The following GRWD1 variants were observed in gnomAD, a reference collection of about 807,000 sequenced individuals.
GRWD1 encodes glutamate rich WD repeat containing 1, also known as glutamate-rich WD repeat-containing protein 1.
GRWD1 carries 29 observed loss-of-function variants against 45.3 expected under a neutral mutation model. The ratio of observed to expected loss-of-function variants is 0.64; its 90% CI spans 0.48 to 0.87. The LOEUF (loss-of-function observed/expected upper bound fraction) is 0.87. GRWD1 is among the 40% of genes least tolerant of loss of function. GRWD1 has a pLI of 0.00. For synonymous variants in GRWD1, 262 were observed against 257.6 expected, an observed-to-expected ratio of 1.02 and a Z score of -0.16; for missense variants, 592 against 618.8, an observed-to-expected ratio of 0.96 and a Z score of 0.46.
At chr19:48,448,061 C>T (rs1407901987) in intron 3 of GRWD1, among the ~76,000 whole-genome samples, 1 of 152,146 alleles carries the variant, frequency 6.6e-6, no homozygotes, top group East Asian at 1.9e-4. Context: ...AAGTGATTCT[C>T]CTGCCTCAGC....
At position 48,452,606 on chromosome 19, in the gene GRWD1, G is replaced by A. The variant is rs535469994; in HGVS notation, c.1024-102G>A. The A allele has an allele frequency of 3.1e-5, 32 of 1,018,328 alleles. No individual in the cohort carries two copies. In the African/African-American group the frequency reaches 4.5e-4, roughly 14 times the overall value. The allele number at this position is 1,018,328 out of a possible 1,614,324, so 63.1% of individuals were successfully genotyped here. A position where few individuals can be genotyped will look rare whatever the true frequency, so the allele number is the denominator to read the frequency against. ...TGAGGGCTTAAGGGGTGGGGCCCTGGCTGAACCCTGAGGCTGGAGAAGGGT... is the reference window on the plus strand; with the variant it reads ...TGAGGGCTTAAGGGGTGGGGCCCTGACTGAACCCTGAGGCTGGAGAAGGGT... On this transcript the variant is annotated intron_variant, in intron 6 of 6. Coordinates refer to ENST00000253237, the MANE Select transcript of GRWD1 (RefSeq NM_031485.4). The surrounding 1 kb of genome is among the most constrained non-coding windows in gnomAD (Gnocchi z 5.1).
In GRWD1 at chr19:48,450,511, TC is replaced by T. The variant is rs770573431; in HGVS notation, c.673del (p.Arg225GlyfsTer2). ...HMGEGFALDW[S>X]PRVTGRLLTG... ...GGGCGAGGGCTTTGCCCTTGACTGG[TC>T]CCCCCGGGTGACCGGTGAGTCCCTG... On this transcript the variant is annotated frameshift_variant, in exon 4 of 7. Transcript: ENST00000253237. LOFTEE classifies it high-confidence loss of function. The surrounding 1 kb of genome is among the most constrained non-coding windows in gnomAD (Gnocchi z 5.1). 1.2e-6 allele frequency: 2 copies of T among 1,613,850 alleles called. No homozygotes were observed. The highest frequency in any genetic ancestry group is 1.7e-5 in the Admixed American group (1 of 59,998).
At position 48,446,486 on chromosome 19, in the gene GRWD1, A is replaced by G; in HGVS notation, c.289A>G (p.Ser97Gly). Residue 97 changes from serine to glycine, a missense_variant, in exon 2 of 7, where the codon AGC becomes GGC. By Grantham distance (56) the Ser-to-Gly change is moderately conservative (BLOSUM62 0). Coordinates refer to ENST00000253237, the MANE Select transcript of GRWD1 (RefSeq NM_031485.4). ...CTTGTGTGCTGGGACCCAGGCTGAG[A>G]GCGCCCAGAGCAACAGGTAAGACCC... The part of the protein sequence containing the change: ...LYLCAGTQAE[S>G]AQSNRLMMLR... The G allele has an allele frequency of 6.2e-7, 1 of 1,614,014 alleles. No homozygotes were observed. Among genetic ancestry groups the G allele is most frequent in the Non-Finnish European group, 8.5e-7 (1 of 1,179,974 alleles).
At chr19:48,447,628 G>A (rs1325562667) in intron 3 of GRWD1, among the ~76,000 whole-genome samples, 1 of 151,438 alleles carries the variant, frequency 6.6e-6, no homozygotes, top group Non-Finnish European at 1.5e-5. Context: ...TGATCCGCAC[G>A]CCTCGGGCAC....
At chr19:48,449,147 G>A (rs999084545) in intron 3 of GRWD1, among the ~76,000 whole-genome samples, 3 of 152,044 alleles carry the variant, frequency 2.0e-5, no homozygotes, top group African/African-American at 4.8e-5. Context: ...AGGCCGGAGC[G>A]CAATGGTGCG....
intron 3 of GRWD1, among the ~76,000 whole-genome samples, chr19:48,447,626 A>G (rs1256457982): frequency 2.6e-5 from 4 of 151,080 alleles, no homozygotes; most frequent in Non-Finnish European, 5.9e-5. Context: ...ATTGATCCGC[A>G]CGCCTCGGGC....
chr19:48,452,988 T>A lies in GRWD1; in HGVS notation c.1304T>A (p.Leu435Gln). 6.3e-7 allele frequency: 1 copy of A among 1,599,456 alleles called. No individual in the cohort carries two copies. The highest frequency in any genetic ancestry group is 8.5e-7 in the Non-Finnish European group (1 of 1,169,910). Residue 435 changes from leucine (L) to glutamine (Q), a missense_variant, in exon 7 of 7, where the codon CTG becomes CAG. Physicochemically the swap from Leu to Gln is moderately radical, Grantham distance 113. Coordinates refer to ENST00000253237, the MANE Select transcript of GRWD1 (RefSeq NM_031485.4). This position sits in a 1 kb window ranked among gnomAD's most constrained non-coding sequence, Gnocchi z 5.1. ...QCPGLLVSTA[L>Q]SGFTIFRTIS... is the part of the protein sequence containing the mutation. The stretch of plus-strand genomic sequence containing the variant: ...CCAGGGCTCCTGGTCAGCACGGCGC[T>A]GTCAGGCTTCACCATCTTCCGCACC...
Position 48,446,184 on chromosome 19 carries a change from C to G in GRWD1, c.179C>G (p.Ala60Gly). The change falls in exon 1 of 7, where the codon GCG becomes GGG. Residue 60 changes from alanine to glycine, a missense_variant. Coordinates refer to ENST00000253237, the MANE Select transcript of GRWD1 (RefSeq NM_031485.4). ...GAGGCCTATGTGCTCTACCACCGAG[C>G]GCAGACTGGTAGGGCTGAGTCCGGA... The part of the protein sequence containing the change: ...DEEAYVLYHR[A>G]QTGAPCLSFD... 1 of 1,598,440 alleles carries G rather than the reference C, an allele frequency of 6.3e-7. No individual in the cohort carries two copies. The highest frequency in any genetic ancestry group is 8.5e-7 in the Non-Finnish European group (1 of 1,175,288).
rs1971399888 is a variant in GRWD1, at chr19:48,446,206, C to T, written c.187+14C>T. The stretch of plus-strand genomic sequence containing the variant: ...GAGCGCAGACTGGTAGGGCTGAGTC[C>T]GGACTCCAGGGTCCTGAGGTGGCTG... On this transcript the variant is annotated intron_variant, in intron 1 of 6. Coordinates refer to ENST00000253237, the MANE Select transcript of GRWD1 (RefSeq NM_031485.4). The T allele has an allele frequency of 1.3e-6, 2 of 1,589,902 alleles. No individual in the cohort carries two copies. Among genetic ancestry groups the T allele is most frequent in the East Asian group, 2.2e-5 (1 of 44,484 alleles).
At position 48,446,663 on chromosome 19, in the gene GRWD1, C is replaced by T. The variant is rs748768419; in HGVS notation, c.306-18C>T. 5.7e-6 allele frequency: 9 copies of T among 1,569,668 alleles called. No individual in the cohort carries two copies. In the Admixed American group the frequency reaches 7.7e-5, roughly 13 times the overall value. ...ATCCTGGAATCTAGTGCCTAACTCA[C>T]CCCACAATTTCTCCCAGACTGATGA... is the stretch of plus-strand genomic sequence containing the variant. On this transcript the variant is annotated intron_variant, in intron 2 of 6. Coordinates refer to ENST00000253237, the MANE Select transcript of GRWD1 (RefSeq NM_031485.4).
rs375242059 is a variant in GRWD1 at position 48,450,968 on chromosome 19, C to T, written c.826-66C>T. 245 of 1,538,480 alleles carry T rather than the reference C, an allele frequency of 1.6e-4. 1 individual carries two copies. In the African/African-American group the frequency reaches 2.7e-3, roughly 17 times the overall value. On this transcript the variant is annotated intron_variant, in intron 5 of 6. Transcript: ENST00000253237. The surrounding 1 kb of genome is among the most constrained non-coding windows in gnomAD (Gnocchi z 5.1). ...AACAGTGAAAGAGAGAGTAGCCCACCGCTGGCGCTTGGGCTTCACTGCGGG... is the reference window on the plus strand; with the variant it reads ...AACAGTGAAAGAGAGAGTAGCCCACTGCTGGCGCTTGGGCTTCACTGCGGG...
In GRWD1 at chr19:48,446,670, A is replaced by G; in HGVS notation, c.306-11A>G. 6.4e-7 allele frequency: 1 copy of G among 1,574,670 alleles called. No homozygotes were observed. The highest frequency in any genetic ancestry group is 8.6e-7 in the Non-Finnish European group (1 of 1,159,678). On this transcript the variant is annotated splice_polypyrimidine_tract_variant and intron_variant, in intron 2 of 6. Coordinates refer to ENST00000253237, the MANE Select transcript of GRWD1 (RefSeq NM_031485.4). ...AATCTAGTGCCTAACTCACCCCACA[A>G]TTTCTCCCAGACTGATGATGCTTCG...
chr19:48,451,299 A>AT (rs767713077), intron 6 of GRWD1, 68 bp downstream of exon 6: 45 of 1,395,878 alleles, frequency 3.2e-5, no homozygotes, highest in Non-Finnish European at 4.3e-5. Context: ...GATTTGTAGG[A>AT]TTTTTCCTCC....
intron 1 of GRWD1, 27 bp from the exon 2 acceptor site, chr19:48,446,358 C>G: frequency 6.2e-7 from 1 of 1,607,422 alleles, no homozygotes; most frequent in South Asian, 1.1e-5. Context: ...CCCGTCTTAA[C>G]TCGTAAACCC....
chr19:48,449,596 A>G (rs1456365276), intron 3 of GRWD1, among the ~76,000 whole-genome samples: 1 of 152,166 alleles, frequency 6.6e-6, no homozygotes, highest in Admixed American at 6.5e-5. Context: ...GCTGATGCAG[A>G]AGGATCGCTT....
rs771445020 is a variant in GRWD1, at chr19:48,450,625, G to A, written c.683-41G>A. On this transcript the variant is annotated intron_variant, in intron 4 of 6. Transcript: ENST00000253237. This position sits in a 1 kb window ranked among gnomAD's most constrained non-coding sequence, Gnocchi z 5.1. The stretch of plus-strand genomic sequence containing the variant: ...GACTCCAAGGAGGGGAGCGAGCTGC[G>A]GCCAGGTGGGGCGAGGTCATTTCCT... 182 of 1,610,222 alleles carry A rather than the reference G, an allele frequency of 1.1e-4. No homozygotes were observed. The South Asian group carries it at 1.5e-3, about 13-fold the overall frequency.
Position 48,451,122 on chromosome 19 carries a change from C to T in GRWD1, c.914C>T (p.Thr305Ile). The T allele has an allele frequency of 6.2e-7, 1 of 1,614,158 alleles. No homozygotes were observed. Among genetic ancestry groups the T allele is most frequent in the Non-Finnish European group, 8.5e-7 (1 of 1,180,002 alleles). ...PSKACMLTTA[T>I]AHDGDVNVIS... ...AAGGCCTGCATGCTCACCACAGCCA[C>T]CGCCCATGATGGGGACGTCAATGTC... is the stretch of plus-strand genomic sequence containing the variant. The change falls in exon 6 of 7, where the codon ACC (threonine) becomes ATC (isoleucine). Residue 305 changes from threonine (T) to isoleucine (I), a missense_variant. Transcript: ENST00000253237.
rs958418443 is a variant in GRWD1 at position 48,452,983 on chromosome 19, G to A, written c.1299G>A (p.Thr433=). Residue 433 remains threonine, a synonymous_variant, in exon 7 of 7, where the codon ACG becomes ACA. Transcript: ENST00000253237. The surrounding 1 kb of genome is among the most constrained non-coding windows in gnomAD (Gnocchi z 5.1). ...HPQCPGLLVS[T]ALSGFTIFRT... ...AGTGCCCAGGGCTCCTGGTCAGCAC[G>A]GCGCTGTCAGGCTTCACCATCTTCC... is the stretch of plus-strand genomic sequence containing the variant. The A allele has an allele frequency of 8.7e-6, 14 of 1,600,346 alleles. No homozygotes were observed. Among genetic ancestry groups the A allele is most frequent in the African/African-American group, 5.4e-5 (4 of 74,688 alleles).
At position 48,453,139 on chromosome 19, in the gene GRWD1, C is replaced by A; in HGVS notation, c.*114C>A. The A allele has an allele frequency of 1.1e-6, 1 of 887,474 alleles. No homozygotes were observed. 55.0% of individuals were successfully genotyped at this position (887,474 alleles called of 1,614,324 possible). On this transcript the variant is annotated 3_prime_UTR_variant, in exon 7 of 7. Coordinates refer to ENST00000253237, the MANE Select transcript of GRWD1 (RefSeq NM_031485.4). ...CTGAGACTGGCCGGCCTGTGGGCTG[C>A]CGTGATGGATTCTGTTTGACGTATT...
Sources: gnomAD v4.1 joint callset for allele counts (sites outside exome capture counted in the v4.1 genomes callset) on GRCh38, gnomAD v4.1.1 for gene constraint, Gnocchi (gnomAD v3.1) non-coding constraint, MANE v1.5 for transcripts, NCBI Gene and HGNC (gene_info 2026-07-23, HGNC 2026-07-21) for gene names.